Variants in ADGRD2 observed in about 807,000 individuals in gnomAD.
The protein encoded by ADGRD2 is G protein-coupled receptor PGR24.
In ADGRD2, 71 loss-of-function variants were observed where a neutral mutation model predicts 44.4. The ratio of observed to expected loss-of-function variants is 1.60; its 90% CI spans 1.32 to 1.95. ADGRD2 has a LOEUF of 1.95. Ranked by LOEUF, ADGRD2 falls within the 30% of genes most tolerant of loss-of-function variation. ADGRD2 has a pLI of 0.00. For missense variants in ADGRD2, 1,039 were observed against 512.4 expected (o/e 2.03, Z -9.92); for synonymous variants, 481 against 224.8 (o/e 2.14, Z -10.19).
chr9:124,453,808 G>C, intron 3 of ADGRD2, 132 bp downstream of exon 6: 1 of 610,654 alleles, frequency 1.6e-6, no homozygotes, highest in Non-Finnish European at 2.9e-6. Flanking sequence ...CGCAGTGCCT[G>C]CAAGCTCCAG....
At position 124,454,174 on chromosome 9, in the gene ADGRD2, C is replaced by T. The variant is rs1831568191; in HGVS notation, c.1022+77C>T. 3.3e-6 allele frequency: 2 copies of T among 607,724 alleles called. No individual in the cohort carries two copies. The highest frequency in any genetic ancestry group is 3.7e-5 in the African/African-American group (2 of 53,876). 37.6% of individuals were successfully genotyped at this position (607,724 alleles called of 1,614,324 possible). On this transcript the variant is annotated intron_variant, in intron 4 of 21. Coordinates refer to ENST00000334810, the Ensembl canonical transcript of ADGRD2. The surrounding 1 kb of genome is among the most constrained non-coding windows in gnomAD (Gnocchi z 4.5). The stretch of plus-strand genomic sequence containing the variant: ...CCGGAGTAGACTGAGAGGGGGTGAG[C>T]TGCTGGCAAAGTCTGGGAATTCAGA...
intron 10 of ADGRD2, chr9:124,465,665 T>C (rs1025028108): frequency 1.3e-5 from 2 of 152,132 alleles, no homozygotes; most frequent in Non-Finnish European, 2.9e-5. Flanking sequence ...AAGATGATTT[T>C]TTTAAAAATA....
exon 2 of ADGRD2, chr9:124,452,609 A>G (rs764560151): frequency 1.4e-6 from 1 of 718,500 alleles, no homozygotes; most frequent in South Asian, 1.5e-5. Context: ...TCCTGCGAGC[A>G]GCAGTTTGGC....
chr9:124,465,990 T>C (rs1588605406), intron 10 of ADGRD2: 1 of 287,028 alleles, frequency 3.5e-6, no homozygotes, highest in East Asian at 6.0e-5. Context: ...CCCTGGATCT[T>C]TAGCTGAGGT....
At chr9:124,469,441 T>A (rs1199685600) in exon 16 of ADGRD2, 1 of 718,204 alleles carries the variant, frequency 1.4e-6, no homozygotes, top group Admixed American at 2.0e-5. Context: ...GGCCAACACC[T>A]GCATCCTGGC....
rs1274838000 is a variant in ADGRD2 at position 124,454,561 on chromosome 9, G to A, written c.1102G>A (p.Asp368Asn). 8 of 716,628 alleles carry A rather than the reference G, an allele frequency of 1.1e-5. No homozygotes were observed. The highest frequency in any genetic ancestry group is 1.8e-5 in the Non-Finnish European group (7 of 383,954). The allele number at this position is 716,628 out of a possible 1,614,324, so 44.4% of individuals were successfully genotyped here. The change falls in exon 5 of 22, where the codon GAC (aspartate) becomes AAC (asparagine). Residue 368 changes from aspartate to asparagine, a missense_variant. Transcript: ENST00000334810. The surrounding 1 kb of genome is among the most constrained non-coding windows in gnomAD (Gnocchi z 4.5). ...CAGCCGAGTCAATGCCTTGGCCAAC[G>A]ACATTGTGGTGAGCTCCCTCTCAGG...
chr9:124,457,555 C>T, exon 8 of ADGRD2: 1 of 685,572 alleles, frequency 1.5e-6, no homozygotes, highest in Non-Finnish European at 2.7e-6. Context: ...TCCAGAGGGG[C>T]CCGGCCATAT....
chr9:124,474,315 C>T (rs1187372770), intron 17 of ADGRD2, among the ~76,000 whole-genome samples: 3 of 150,724 alleles, frequency 2.0e-5, no homozygotes, highest in Admixed American at 6.6e-5. Context: ...AGATTTTGTC[C>T]CAGGGGTAGT....
chr9:124,468,700 C>T lies in ADGRD2; in HGVS notation c.2387+28C>T, dbSNP rs73592103. ...GAGGCCTGCTCTGCACCCACACTCT[C>T]TTCTCCTCAGCTGTACCTTGCACGG... On this transcript the variant is annotated intron_variant, in intron 14 of 21. Coordinates refer to ENST00000334810, the Ensembl canonical transcript of ADGRD2. 2.8e-3 allele frequency: 1,945 copies of T among 699,356 alleles called. 25 individuals carry two copies. The African/African-American group carries it at 0.029, about 10-fold the overall frequency. The allele number at this position is 699,356 out of a possible 1,614,324, so 43.3% of individuals were successfully genotyped here. A position where few individuals can be genotyped will look rare whatever the true frequency, so the allele number is the denominator to read the frequency against.
chr9:124,455,773 G>A (rs1050237928), intron 6 of ADGRD2, among the ~76,000 whole-genome samples: 2 of 152,182 alleles, frequency 1.3e-5, no homozygotes, highest in South Asian at 4.1e-4. Flanking sequence ...TGGACAACAT[G>A]AGAGGTGCTA....
At chr9:124,452,030 C>A, upstream of ADGRD2, 1 of 392,394 alleles carries the variant, frequency 2.5e-6, no homozygotes, top group Non-Finnish European at 5.1e-6. Flanking sequence ...AGTAGGCATT[C>A]AACAACTGCA....
rs116238529 is a variant in ADGRD2 at position 124,469,654 on chromosome 9, C to T, written c.2637+107C>T. The T allele has an allele frequency of 1.3e-3, 853 of 668,426 alleles. 4 individuals are homozygous for T. The highest frequency in any genetic ancestry group is 0.012 in the African/African-American group (673 of 56,382). 41.4% of individuals were successfully genotyped at this position (668,426 alleles called of 1,614,324 possible). ...AGCACGTGCGAGTCTGTGTCCAGAG[C>T]GTGACCGTGTGGCTATGCCCAAGTC... On this transcript the variant is annotated intron_variant, in intron 16 of 21. Coordinates refer to ENST00000334810, the Ensembl canonical transcript of ADGRD2.
intron 10 of ADGRD2, among the ~76,000 whole-genome samples, chr9:124,462,482 G>A (rs777063488): frequency 2.6e-5 from 4 of 152,062 alleles, no homozygotes; most frequent in Non-Finnish European, 4.4e-5. Context: ...CATTAACATC[G>A]CATTGACTGT....
At chr9:124,452,709 A>G in exon 2 of ADGRD2, 1 of 713,518 alleles carries the variant, frequency 1.4e-6, no homozygotes. Flanking sequence ...CTCTGCGGAG[A>G]CCCCCACAGA....
chr9:124,452,851 T>C (rs1831515614), intron 2 of ADGRD2, 129 bp downstream of exon 5: 1 of 618,414 alleles, frequency 1.6e-6, no homozygotes, highest in Non-Finnish European at 2.9e-6. Flanking sequence ...TCCAGGTTCC[T>C]TTGCCCTGGA....
At chr9:124,461,278 A>G (rs1038726908) in intron 10 of ADGRD2, among the ~76,000 whole-genome samples, 3 of 152,340 alleles carry the variant, frequency 2.0e-5, no homozygotes, top group Admixed American at 2.0e-4. Flanking sequence ...TCTTTGGAAG[A>G]TAAGTTTTTA....
chr9:124,452,904 C>A lies in ADGRD2; in HGVS notation c.282-131C>A, dbSNP rs1286693180. The A allele has an allele frequency of 8.3e-6, 5 of 604,538 alleles. No individual in the cohort carries two copies. In the African/African-American group the frequency reaches 9.3e-5, roughly 11 times the overall value. The allele number at this position is 604,538 out of a possible 1,614,324, so 37.4% of individuals were successfully genotyped here. A position where few individuals can be genotyped will look rare whatever the true frequency, so the allele number is the denominator to read the frequency against. On this transcript the variant is annotated intron_variant, in intron 2 of 21. Transcript: ENST00000334810. ...ACTCTTGGGCAGGGGAACTCTAGCCCCCATTTCCTCCTTCCCGAGGTGGGG... is the reference window on the plus strand; with the variant it reads ...ACTCTTGGGCAGGGGAACTCTAGCCACCATTTCCTCCTTCCCGAGGTGGGG...
chr9:124,458,482 C>G lies in ADGRD2; in HGVS notation c.1765-134C>G, dbSNP rs1039135221. The G allele has an allele frequency of 4.8e-6, 3 of 629,516 alleles. No individual in the cohort carries two copies. The African/African-American group carries it at 5.5e-5, about 12-fold the overall frequency. The allele number at this position is 629,516 out of a possible 1,614,324, so 39.0% of individuals were successfully genotyped here. A position where few individuals can be genotyped will look rare whatever the true frequency, so the allele number is the denominator to read the frequency against. ...GCAAGTCCCTAAGGCAAGACTGAACCAGGTGCCACAATTCCTGATATCCCT... is the reference window on the plus strand; with the variant it reads ...GCAAGTCCCTAAGGCAAGACTGAACGAGGTGCCACAATTCCTGATATCCCT... On this transcript the variant is annotated intron_variant, in intron 9 of 21. Transcript: ENST00000334810.
chr9:124,458,795 T>C (rs1831669620), intron 10 of ADGRD2, 74 bp downstream of exon 13: 1 of 685,456 alleles, frequency 1.5e-6, no homozygotes, highest in Non-Finnish European at 2.7e-6. Context: ...ACCCCCAGTA[T>C]TTATCCAATG....
Sources: gnomAD v4.1 joint callset for allele counts (sites outside exome capture counted in the v4.1 genomes callset) on GRCh38, gnomAD v4.1.1 for gene constraint, Gnocchi (gnomAD v3.1) non-coding constraint, MANE v1.5 for transcripts, NCBI Gene and HGNC (gene_info 2026-07-23, HGNC 2026-07-21) for gene names.